The following RPS6KC1 variants were observed in gnomAD, a reference collection of about 807,000 sequenced individuals.
The protein encoded by RPS6KC1 is ribosomal protein S6 kinase C1.
A neutral mutation model predicts 103.8 loss-of-function variants in RPS6KC1; 54 were observed. The observed-to-expected ratio is 0.52, with a 90% CI of 0.42 to 0.65. The LOEUF (loss-of-function observed/expected upper bound fraction) is 0.65. Ranked by LOEUF, RPS6KC1 falls within the 30% of genes least tolerant of loss-of-function variation. The probability of loss-of-function intolerance (pLI) is 0.00; values close to 1 mark genes in which losing one functional copy is unlikely to be tolerated. For synonymous variants in RPS6KC1, 439 were observed against 438.7 expected (o/e 1.00, Z -0.01); for missense variants, 1,151 against 1,253.8 (o/e 0.92, Z 1.24).
chr1:213,228,387 A>G (rs1324890453), intron 8 of RPS6KC1, among the ~76,000 whole-genome samples: 1 of 152,158 alleles, frequency 6.6e-6, no homozygotes, highest in Non-Finnish European at 1.5e-5. Context: ...ATAAGAAGAC[A>G]TGTCTGTAGT....
chr1:213,469,740 A>G, the RPS6KC1 span, among the ~76,000 whole-genome samples: 401 of 152,304 alleles, frequency 2.6e-3, no homozygotes, highest in African/African-American at 9.2e-3. Context: ...TAACTACATT[A>G]CCATTATCAC....
At chr1:213,286,776 ACAAT>A in the RPS6KC1 span, among the ~76,000 whole-genome samples, 2 of 152,236 alleles carry the variant, frequency 1.3e-5, no homozygotes, top group Non-Finnish European at 2.9e-5. Flanking sequence ...TCACAAAAAG[ACAAT>A]CAGACAGGAG....
the RPS6KC1 span, among the ~76,000 whole-genome samples, chr1:213,535,772 G>A: frequency 4.6e-5 from 7 of 152,164 alleles, no homozygotes; most frequent in Non-Finnish European, 8.8e-5. Context: ...AAGGAAGCCA[G>A]AGAGACCGTC....
chr1:213,760,848 C>CTTTT, the RPS6KC1 span, among the ~76,000 whole-genome samples: 1 of 117,212 alleles, frequency 8.5e-6, no homozygotes, highest in Non-Finnish European at 1.8e-5. Context: ...TGTGAGTCTA[C>CTTTT]TTTTTTTTTT....
the RPS6KC1 span, among the ~76,000 whole-genome samples, chr1:213,328,503 AC>A: frequency 9.4e-5 from 3 of 31,772 alleles, no homozygotes; most frequent in Admixed American, 4.5e-4. Flanking sequence ...CAGCCATTAT[AC>A]TATATATATA....
At chr1:213,277,431 G>C (rs1379408466), downstream of RPS6KC1, among the ~76,000 whole-genome samples, 1 of 152,212 alleles carries the variant, frequency 6.6e-6, no homozygotes, top group East Asian at 1.9e-4. Flanking sequence ...CGGTGTAAGA[G>C]AGAAAGTAAC....
the RPS6KC1 span, chr1:213,821,601 C>T: frequency 1.3e-5 from 2 of 152,208 alleles, no homozygotes; most frequent in African/African-American, 2.4e-5. Flanking sequence ...ATTTTTATAA[C>T]CCCCTGTTCT....
chr1:213,554,141 G>T, the RPS6KC1 span, among the ~76,000 whole-genome samples: 26 of 151,944 alleles, frequency 1.7e-4, no homozygotes, highest in African/African-American at 6.3e-4. Flanking sequence ...TTTCTTCTAG[G>T]GTTTTTATAG....
chr1:213,751,122 T>C, the RPS6KC1 span, among the ~76,000 whole-genome samples: 2 of 152,116 alleles, frequency 1.3e-5, no homozygotes, highest in South Asian at 2.1e-4. Flanking sequence ...TTTACCACCA[T>C]GAATTTTCTA....
At chr1:213,558,194 T>C in the RPS6KC1 span, among the ~76,000 whole-genome samples, 2 of 152,236 alleles carry the variant, frequency 1.3e-5, no homozygotes, top group Non-Finnish European at 2.9e-5. Flanking sequence ...AGAGTTGCTA[T>C]GGCACATCTT....
chr1:213,204,293 A>G (rs1360906538), intron 8 of RPS6KC1, among the ~76,000 whole-genome samples: 3 of 152,130 alleles, frequency 2.0e-5, no homozygotes, highest in Admixed American at 6.6e-5. Flanking sequence ...CTATTTGCAC[A>G]CTTTCCCATC....
chr1:213,374,545 T>G, the RPS6KC1 span, among the ~76,000 whole-genome samples: 1 of 152,082 alleles, frequency 6.6e-6, no homozygotes, highest in Non-Finnish European at 1.5e-5. Context: ...GCTCTGGGCT[T>G]CCAAAGAATA....
chr1:213,722,988 G>C, the RPS6KC1 span, among the ~76,000 whole-genome samples: 1,361 of 152,238 alleles, frequency 8.9e-3, 25 homozygotes, highest in African/African-American at 0.031. Flanking sequence ...AGATCAGCCT[G>C]GCCACGATAG....
chr1:213,399,936 G>T, the RPS6KC1 span, among the ~76,000 whole-genome samples: 21 of 152,192 alleles, frequency 1.4e-4, no homozygotes, highest in African/African-American at 5.1e-4. Context: ...GGAATGCAGG[G>T]TATTTTTAGC....
At chr1:213,688,339 A>C in the RPS6KC1 span, among the ~76,000 whole-genome samples, 1 of 152,216 alleles carries the variant, frequency 6.6e-6, no homozygotes, top group East Asian at 1.9e-4. Context: ...AATAATACTT[A>C]TATCACCTCT....
At chr1:213,748,478 G>T in the RPS6KC1 span, among the ~76,000 whole-genome samples, 1 of 152,168 alleles carries the variant, frequency 6.6e-6, no homozygotes, top group Non-Finnish European at 1.5e-5. Context: ...ATTACTCATG[G>T]TTCTCTTCAG....
chr1:213,729,288 T>G, the RPS6KC1 span, among the ~76,000 whole-genome samples: 1 of 152,108 alleles, frequency 6.6e-6, no homozygotes, highest in Admixed American at 6.6e-5. Context: ...CTTGAAATCG[T>G]GCAGTATTTC....
chr1:213,766,181 G>A, the RPS6KC1 span, among the ~76,000 whole-genome samples: 1 of 152,194 alleles, frequency 6.6e-6, no homozygotes, highest in Non-Finnish European at 1.5e-5. Context: ...AATGGCATTT[G>A]TAGAAGCCCA....
the RPS6KC1 span, among the ~76,000 whole-genome samples, chr1:213,568,551 C>T: frequency 6.6e-6 from 1 of 152,174 alleles, no homozygotes; most frequent in African/African-American, 2.4e-5. Context: ...AGAGTCAGAC[C>T]AACAGGTAAG....
Sources: allele counts gnomAD v4.1 joint callset (sites outside exome capture counted in the v4.1 genomes callset), GRCh38; gene constraint gnomAD v4.1.1; transcripts MANE v1.5; gene names NCBI Gene and HGNC (gene_info 2026-07-23, HGNC 2026-07-21).